CEP83: variants seen among roughly 807,000 people sequenced by gnomAD.
CEP83 encodes the protein centrosomal protein 83.
Under a neutral mutation model 101.9 loss-of-function variants are expected in CEP83, and 70 were observed. That is an observed-to-expected ratio of 0.69 (90% CI 0.57 to 0.84). CEP83 has a LOEUF of 0.84. Ranked by LOEUF, CEP83 falls within the 40% of genes least tolerant of loss-of-function variation. CEP83 has a pLI of 0.00. For missense variants in CEP83, 715 were observed against 787.2 expected (o/e 0.91, Z 1.10); for synonymous variants, 264 against 267.9 (o/e 0.99, Z 0.14).
intron 11 of CEP83, among the ~76,000 whole-genome samples, chr12:94,338,255 A>C (rs1333620604): frequency 6.6e-6 from 1 of 152,200 alleles, no homozygotes; most frequent in Non-Finnish European, 1.5e-5. Context: ...ACCAAGAATG[A>C]TGGTAAGAGA....
intron 15 of CEP83, among the ~76,000 whole-genome samples, chr12:94,310,669 T>C (rs1969718006): frequency 6.6e-6 from 1 of 152,166 alleles, no homozygotes; most frequent in African/African-American, 2.4e-5. Flanking sequence ...AAAATCTGTA[T>C]ATAAGTAGAC....
chr12:94,301,009 C>T, the CEP83 span: 86 of 1,613,710 alleles, frequency 5.3e-5, no homozygotes, highest in Admixed American at 6.7e-5. Context: ...CAGTGATTGC[C>T]CAGGCATTCA....
chr12:94,329,437 A>G (rs963714611), intron 14 of CEP83, among the ~76,000 whole-genome samples: 3 of 151,906 alleles, frequency 2.0e-5, no homozygotes, highest in Admixed American at 2.0e-4. Context: ...CAGTTTTTTC[A>G]TGTTTTATAG....
intron 11 of CEP83, among the ~76,000 whole-genome samples, chr12:94,352,419 CAAAA>C (rs770031305): frequency 1.3e-5 from 1 of 75,872 alleles, no homozygotes. Context: ...GACTTTGTCT[CAAAA>C]AAAAAAAAAA....
intron 8 of CEP83, among the ~76,000 whole-genome samples, chr12:94,370,767 G>A (rs1292714481): frequency 6.6e-6 from 1 of 152,158 alleles, no homozygotes; most frequent in African/African-American, 2.4e-5. Context: ...GCAGAAGGAA[G>A]TGTTTGAGGC....
intron 14 of CEP83, among the ~76,000 whole-genome samples, chr12:94,320,706 T>C (rs913245771): frequency 6.6e-6 from 1 of 152,202 alleles, no homozygotes; most frequent in Admixed American, 6.5e-5. Context: ...TTTAAGAATG[T>C]TGACTATAGG....
At chr12:94,423,894 C>A in intron 2 of CEP83, 1 of 1,611,640 alleles carries the variant, frequency 6.2e-7, no homozygotes, top group Non-Finnish European at 8.5e-7. Flanking sequence ...ATAGCTGCAG[C>A]CGTCAGCATA....
At chr12:94,350,169 G>GC (rs1214307388) in intron 11 of CEP83, among the ~76,000 whole-genome samples, 2 of 152,080 alleles carry the variant, frequency 1.3e-5, no homozygotes, top group African/African-American at 4.8e-5. Flanking sequence ...GAATCTCAAG[G>GC]CAACCCAAGT....
In CEP83 at chr12:94,333,352, C is replaced by G. The variant is rs908540285; in HGVS notation, c.1577+130G>C. ...AAAGTACATTATTACCTCAGTAGAC[C>G]ATTGTACACTATTAAAGTGTATTTG... is the stretch of plus-strand genomic sequence containing the variant. On this transcript the variant is annotated intron_variant, in intron 13 of 16. Transcript: ENST00000397809. 4.0e-5 allele frequency: 28 copies of G among 694,718 alleles called. 1 individual carries two copies. The South Asian group carries it at 5.1e-4, about 13-fold the overall frequency. The allele number at this position is 694,718 out of a possible 1,614,324, so 43.0% of individuals were successfully genotyped here. A position where few individuals can be genotyped will look rare whatever the true frequency, so the allele number is the denominator to read the frequency against.
chr12:94,337,696 C>T (rs2059508969), intron 11 of CEP83, among the ~76,000 whole-genome samples: 1 of 151,834 alleles, frequency 6.6e-6, no homozygotes, highest in Non-Finnish European at 1.5e-5. Flanking sequence ...GTTAAGGCTA[C>T]ATAAAAGAGA....
intron 6 of CEP83, among the ~76,000 whole-genome samples, chr12:94,389,481 G>A (rs1386868860): frequency 6.6e-6 from 1 of 152,112 alleles, no homozygotes; most frequent in African/African-American, 2.4e-5. Context: ...TATTACTTAA[G>A]AAAACAATAG....
At chr12:94,392,348 C>T (rs549848369) in intron 6 of CEP83, among the ~76,000 whole-genome samples, 108 of 152,286 alleles carry the variant, frequency 7.1e-4, no homozygotes, top group African/African-American at 2.0e-3. Flanking sequence ...CTCAAAACCA[C>T]GCAACTACAT....
intron 2 of CEP83, among the ~76,000 whole-genome samples, chr12:94,418,714 A>G (rs930872223): frequency 6.6e-6 from 1 of 152,198 alleles, no homozygotes; most frequent in Non-Finnish European, 1.5e-5. Flanking sequence ...GATGTGGTAA[A>G]ATGTTTTGGA....
Position 94,376,030 on chromosome 12 carries a change from C to A in CEP83, c.802-13G>T, listed in dbSNP as rs750549933. On this transcript the variant is annotated splice_polypyrimidine_tract_variant and intron_variant, in intron 7 of 16. Transcript: ENST00000397809. ...ATTGTTTTTCAGCCTTTCATACAAA[C>A]AAAATAGTTTAAAATTCATCATTTT... 3.3e-6 allele frequency: 5 copies of A among 1,494,008 alleles called. No homozygotes were observed. The East Asian group carries it at 7.2e-5, about 21-fold the overall frequency. The allele number at this position is 1,494,008 out of a possible 1,614,324, so 92.5% of individuals were successfully genotyped here.
the CEP83 span, among the ~76,000 whole-genome samples, chr12:94,291,330 C>T: frequency 1.3e-5 from 2 of 152,206 alleles, no homozygotes; most frequent in South Asian, 2.1e-4. Context: ...TGACCTCCCA[C>T]GCTCAAGCCA....
chr12:94,345,443 C>T lies in CEP83; in HGVS notation c.1344-9779G>A, dbSNP rs374044564. On this transcript the variant is annotated intron_variant, in intron 11 of 16. Transcript: ENST00000397809. ...TATGGCTCGGGAGGCAGCTTCAGAACAGCTTCAGAGTGATAAAGGCGAAAG... is the reference window on the plus strand; with the variant it reads ...TATGGCTCGGGAGGCAGCTTCAGAATAGCTTCAGAGTGATAAAGGCGAAAG... Among the ~76,000 whole-genome samples the T allele has an allele frequency of 2.3e-4, 35 of 152,232 alleles. No homozygotes were observed. The South Asian group carries it at 6.6e-3, about 29-fold the overall frequency.
chr12:94,293,309 C>T, the CEP83 span, among the ~76,000 whole-genome samples: 4 of 152,198 alleles, frequency 2.6e-5, no homozygotes, highest in Non-Finnish European at 4.4e-5. Flanking sequence ...TTTCTGTGGA[C>T]TAAGGACCTA....
chr12:94,309,121 C>T (rs902431819), intron 16 of CEP83, among the ~76,000 whole-genome samples: 4 of 152,118 alleles, frequency 2.6e-5, no homozygotes, highest in African/African-American at 7.2e-5. Context: ...TTAAGCAAAA[C>T]CCGTAGTCTG....
intron 11 of CEP83, among the ~76,000 whole-genome samples, chr12:94,363,687 G>A (rs1206332591): frequency 1.3e-5 from 2 of 152,026 alleles, no homozygotes; most frequent in East Asian, 1.9e-4. Flanking sequence ...GGTGGCTCAC[G>A]CTTGTAATCT....
Sources: gnomAD v4.1 joint callset for allele counts (sites outside exome capture counted in the v4.1 genomes callset) on GRCh38, gnomAD v4.1.1 for gene constraint, MANE v1.5 for transcripts, NCBI Gene and HGNC (gene_info 2026-07-23, HGNC 2026-07-21) for gene names.